The following TLE3 variants were observed in gnomAD, a reference collection of about 807,000 sequenced individuals.
TLE3 encodes transducin-like enhancer protein 3.
In TLE3, 14 loss-of-function variants were observed where a neutral mutation model predicts 93.0. The ratio of observed to expected loss-of-function variants is 0.15; its 90% CI spans 0.10 to 0.24. The LOEUF is 0.24. Ranked by LOEUF, TLE3 falls within the 10% of genes least tolerant of loss-of-function variation. TLE3 has a pLI of 1.00. For synonymous variants in TLE3, 451 were observed against 425.0 expected (o/e 1.06, Z -0.75); for missense variants, 693 against 1,046.6 (o/e 0.66, Z 4.66).
intron 6 of TLE3, among the ~76,000 whole-genome samples, chr15:70,072,871 T>G (rs541910122): frequency 6.6e-6 from 1 of 152,360 alleles, no homozygotes; most frequent in Admixed American, 6.5e-5. Context: ...CCGGGCTAGA[T>G]GATCTCTGAT....
chr15:70,053,563 T>G, intron 16 of TLE3, 189 bp from the exon 17 acceptor site: 13 of 568,444 alleles, frequency 2.3e-5, no homozygotes, highest in East Asian at 3.8e-5. Flanking sequence ...CTCTTTCCAG[T>G]TCCACGGAAG....
At chr15:70,089,484 G>A (rs1297179324) in intron 4 of TLE3, among the ~76,000 whole-genome samples, 2 of 152,186 alleles carry the variant, frequency 1.3e-5, no homozygotes, top group Non-Finnish European at 2.9e-5. Context: ...GAAGCCTGCA[G>A]AGCGGGCGGC....
chr15:70,068,633 T>TTGC (rs1433167192), intron 6 of TLE3, among the ~76,000 whole-genome samples: 2 of 152,216 alleles, frequency 1.3e-5, no homozygotes, highest in African/African-American at 2.4e-5. Context: ...AGAAGTAGCT[T>TTGC]TGCTGCCTGC....
At chr15:70,095,912 G>A in intron 2 of TLE3, 3 of 630,906 alleles carry the variant, frequency 4.8e-6, no homozygotes, top group East Asian at 2.8e-5. Flanking sequence ...CCCAGAACCC[G>A]GAGTGAACCC....
At chr15:70,093,951 T>C (rs1325569392) in intron 4 of TLE3, among the ~76,000 whole-genome samples, 4 of 152,150 alleles carry the variant, frequency 2.6e-5, no homozygotes, top group Non-Finnish European at 5.9e-5. Context: ...TCGGCTGCCT[T>C]CAAATCAAGA....
At chr15:70,064,688 A>C (rs1788649927) in intron 7 of TLE3, among the ~76,000 whole-genome samples, 1 of 152,120 alleles carries the variant, frequency 6.6e-6, no homozygotes, top group Non-Finnish European at 1.5e-5. Context: ...TGCCACCCAA[A>C]TTCCAATGCT....
chr15:70,094,437 A>G, intron 4 of TLE3, 95 bp downstream of exon 4: 1 of 960,324 alleles, frequency 1.0e-6, no homozygotes, highest in Non-Finnish European at 1.6e-6. Context: ...GAATCGAAGA[A>G]GCAGGCTCAC....
intron 6 of TLE3, 53 bp downstream of exon 6, chr15:70,074,480 A>G: frequency 6.4e-7 from 1 of 1,571,536 alleles, no homozygotes; most frequent in South Asian, 1.2e-5. Context: ...GATAAATGAG[A>G]GGAATAAAAG....
At chr15:70,094,344 A>G (rs920033769) in intron 4 of TLE3, among the ~76,000 whole-genome samples, 188 bp downstream of exon 4, 2 of 152,008 alleles carry the variant, frequency 1.3e-5, no homozygotes, top group African/African-American at 4.8e-5. Context: ...TAAAAGCTCA[A>G]CATGTCTAAA....
At position 70,058,228 on chromosome 15, in the gene TLE3, T is replaced by G; in HGVS notation, c.982A>C (p.Thr328Pro). Reference protein sequence around the residue: ...NTPTPRNDAPTPGTSTTPGLR... With the variant: ...NTPTPRNDAPPPGTSTTPGLR... ...CCTGGGGTCGTGCTGGTGCCTGGAG[T>G]TGGGGCGTCGTTCCTTGGGGTTGGT... Residue 328 changes from threonine to proline, a missense_variant, in exon 12 of 20, where the codon ACT (threonine) becomes CCT (proline). Transcript: ENST00000451782. This position sits in a 1 kb window ranked among gnomAD's most constrained non-coding sequence, Gnocchi z 4.1. 3.7e-6 allele frequency: 6 copies of G among 1,613,476 alleles called. No individual in the cohort carries two copies. The highest frequency in any genetic ancestry group is 5.1e-6 in the Non-Finnish European group (6 of 1,179,752).
chr15:70,087,840 G>A (rs905136826), intron 4 of TLE3, among the ~76,000 whole-genome samples: 2 of 152,198 alleles, frequency 1.3e-5, no homozygotes, highest in African/African-American at 2.4e-5. Flanking sequence ...TAATGAAGTC[G>A]GCTGGTGTGA....
chr15:70,091,796 G>A (rs1024417069), intron 4 of TLE3, among the ~76,000 whole-genome samples: 3 of 152,170 alleles, frequency 2.0e-5, no homozygotes, highest in Non-Finnish European at 4.4e-5. Flanking sequence ...CAGGACTCGA[G>A]GTTCCCAGCT....
intron 3 of TLE3, 102 bp from the exon 4 acceptor site, chr15:70,094,678 C>T (rs896225647): frequency 1.9e-5 from 16 of 852,858 alleles, no homozygotes; most frequent in African/African-American, 3.5e-5. Context: ...CATACTTTTA[C>T]GATACATTTG....
chr15:70,059,636 G>C (rs2270870), intron 9 of TLE3, among the ~76,000 whole-genome samples, 176 bp from the exon 10 acceptor site: 1 of 151,888 alleles, frequency 6.6e-6, no homozygotes, highest in Non-Finnish European at 1.5e-5. Context: ...AGCTCAACAC[G>C]GTCTCCCCGT....
intron 6 of TLE3, among the ~76,000 whole-genome samples, chr15:70,072,307 AAG>A (rs2141754540): frequency 6.6e-6 from 1 of 152,294 alleles, no homozygotes; most frequent in South Asian, 2.1e-4. Context: ...TTATTTTCAT[AAG>A]AGGATTTTAA....
At chr15:70,072,855 C>T (rs1008904257) in intron 6 of TLE3, among the ~76,000 whole-genome samples, 2 of 152,218 alleles carry the variant, frequency 1.3e-5, no homozygotes, top group East Asian at 1.9e-4. Context: ...TCAAGGTTGA[C>T]GATCCCCGGG....
At position 70,076,086 on chromosome 15, in the gene TLE3, A is replaced by C; in HGVS notation, c.297+10T>G. ...AAAGAAAAGGAAGAAATAATAAAAGAAGGTCTTACCTCTTGTGACAGGAAA... is the reference window on the plus strand; with the variant it reads ...AAAGAAAAGGAAGAAATAATAAAAGCAGGTCTTACCTCTTGTGACAGGAAA... On this transcript the variant is annotated intron_variant, in intron 5 of 19. Coordinates refer to ENST00000451782, the MANE Select transcript of TLE3 (RefSeq NM_001105192.3). 1 of 1,613,254 alleles carries C rather than the reference A, an allele frequency of 6.2e-7. No individual in the cohort carries two copies. The highest frequency in any genetic ancestry group is 8.5e-7 in the Non-Finnish European group (1 of 1,179,292).
chr15:70,067,229 C>A (rs2056870623), intron 6 of TLE3, among the ~76,000 whole-genome samples: 1 of 152,196 alleles, frequency 6.6e-6, no homozygotes, highest in South Asian at 2.1e-4. Context: ...TTTCCTCTCC[C>A]TTCGCCCCAC....
At chr15:70,092,093 G>T (rs1433950530) in intron 4 of TLE3, among the ~76,000 whole-genome samples, 1 of 151,744 alleles carries the variant, frequency 6.6e-6, no homozygotes, top group Non-Finnish European at 1.5e-5. Context: ...CCAGTCACTT[G>T]ATTGTGTGTG....
Sources: allele counts gnomAD v4.1 joint callset (sites outside exome capture counted in the v4.1 genomes callset), GRCh38; gene constraint gnomAD v4.1.1; non-coding constraint Gnocchi (gnomAD v3.1); transcripts MANE v1.5; gene names NCBI Gene and HGNC (gene_info 2026-07-23, HGNC 2026-07-21).